The following SSBP2 variants were observed in gnomAD, a reference collection of about 807,000 sequenced individuals.
The protein encoded by SSBP2 is single-stranded DNA-binding protein 2.
Under a neutral mutation model 61.8 loss-of-function variants are expected in SSBP2, and 17 were observed. The ratio of observed to expected loss-of-function variants is 0.28; its 90% confidence interval spans 0.19 to 0.41. The LOEUF (loss-of-function observed/expected upper bound fraction) is 0.41, where lower values mean the gene tolerates loss of function less well. SSBP2 is among the 10% of genes least tolerant of loss of function. The pLI is 1.00. For missense variants in SSBP2, 310 were observed against 458.7 expected, an observed-to-expected ratio of 0.68 and a Z score of 2.96; for synonymous variants, 139 against 141.3, an observed-to-expected ratio of 0.98 and a Z score of 0.12.
chr5:81,574,032 T>C, intron 4 of SSBP2, among the ~76,000 whole-genome samples: 1 of 151,880 alleles, frequency 6.6e-6, no homozygotes, highest in Admixed American at 6.6e-5. Context: ...TCCCAGCTAC[T>C]CGGGAGGCTG....
intron 8 of SSBP2, among the ~76,000 whole-genome samples, chr5:81,470,165 C>A (rs903175023): frequency 1.3e-5 from 2 of 151,860 alleles, no homozygotes. Flanking sequence ...TATATAACTT[C>A]TTTATCCTTC....
chr5:81,628,442 G>A (rs901816761), intron 3 of SSBP2, among the ~76,000 whole-genome samples: 13 of 152,102 alleles, frequency 8.5e-5, no homozygotes, highest in African/African-American at 3.1e-4. Flanking sequence ...AGATATGAGA[G>A]TTATAAAAGG....
chr5:81,555,176 CTTTA>C (rs1452858328), intron 4 of SSBP2, among the ~76,000 whole-genome samples: 7 of 151,938 alleles, frequency 4.6e-5, no homozygotes, highest in African/African-American at 1.4e-4. Context: ...AAAGTACAGA[CTTTA>C]TTTATAGCAA....
intron 1 of SSBP2, among the ~76,000 whole-genome samples, chr5:81,743,797 T>A (rs1440717181): frequency 6.6e-6 from 1 of 152,122 alleles, no homozygotes; most frequent in African/African-American, 2.4e-5. Context: ...CCTTTACACT[T>A]GAGTGTGTAA....
intron 8 of SSBP2, among the ~76,000 whole-genome samples, chr5:81,471,009 A>T (rs1037249328): frequency 1.3e-5 from 2 of 151,888 alleles, no homozygotes; most frequent in Non-Finnish European, 3.0e-5. Flanking sequence ...TCATTTAAAC[A>T]TATGATATGT....
chr5:81,474,350 A>G (rs1169169157), intron 7 of SSBP2, 146 bp downstream of exon 7: 1 of 639,104 alleles, frequency 1.6e-6, no homozygotes, highest in Non-Finnish European at 2.7e-6. Flanking sequence ...AGCTGGAAAT[A>G]TAAATCATTT....
chr5:81,465,999 A>T (rs1764867399), intron 9 of SSBP2, among the ~76,000 whole-genome samples: 1 of 152,018 alleles, frequency 6.6e-6, no homozygotes, highest in Non-Finnish European at 1.5e-5. Flanking sequence ...CTTAAAAAAA[A>T]TCCTGCATAG....
At chr5:81,569,766 A>G (rs1773700871) in intron 4 of SSBP2, among the ~76,000 whole-genome samples, 1 of 152,216 alleles carries the variant, frequency 6.6e-6, no homozygotes, top group African/African-American at 2.4e-5. Context: ...TCTCACAGGT[A>G]GCTGGAATAA....
At chr5:81,663,295 CGTAT>C (rs897198946) in intron 1 of SSBP2, among the ~76,000 whole-genome samples, 2 of 151,890 alleles carry the variant, frequency 1.3e-5, no homozygotes, top group African/African-American at 4.8e-5. Flanking sequence ...TATACATGTC[CGTAT>C]GTATGTATGT....
At chr5:81,550,334 C>G (rs905454727) in intron 4 of SSBP2, among the ~76,000 whole-genome samples, 9 of 152,298 alleles carry the variant, frequency 5.9e-5, no homozygotes, top group African/African-American at 2.2e-4. Flanking sequence ...TTGAGGGCCA[C>G]AATCCTATCT....
intron 10 of SSBP2, among the ~76,000 whole-genome samples, chr5:81,460,762 T>C (rs953442259): frequency 1.3e-5 from 2 of 152,200 alleles, no homozygotes; most frequent in Admixed American, 6.5e-5. Context: ...TACAGATCAC[T>C]ATTTATAGGC....
chr5:81,750,176 G>A (rs1054876524), intron 1 of SSBP2, among the ~76,000 whole-genome samples: 3 of 151,766 alleles, frequency 2.0e-5, no homozygotes, highest in African/African-American at 7.2e-5. Flanking sequence ...ACACACTTTA[G>A]CTCCCCGGGA....
chr5:81,664,567 A>C (rs1750956055), intron 1 of SSBP2, among the ~76,000 whole-genome samples: 1 of 152,146 alleles, frequency 6.6e-6, no homozygotes, highest in Admixed American at 6.5e-5. Flanking sequence ...AAGGCATTCA[A>C]GGAAAAAAGT....
intron 4 of SSBP2, among the ~76,000 whole-genome samples, chr5:81,591,752 A>G (rs1775520775): frequency 6.6e-6 from 1 of 152,214 alleles, no homozygotes; most frequent in Admixed American, 6.5e-5. Context: ...GAGGAAAAAA[A>G]GTGGGAATTA....
rs1235552376 is a variant in SSBP2 at position 81,420,519 on chromosome 5, C to T, written c.1071G>A (p.Met357Ile). 12 of 1,613,812 alleles carry T rather than the reference C, an allele frequency of 7.4e-6. No homozygotes were observed. Among genetic ancestry groups the T allele is most frequent in the Non-Finnish European group, 9.3e-6 (11 of 1,179,764 alleles). ...TGGTAATGGATCACACGCTCATTGT[C>T]ATGCTAGGGGAGTACTAGAAGGAAA... The change falls in exon 17 of 17, where the codon ATG becomes ATA. Residue 357 changes from methionine to isoleucine, a missense_variant. Around this residue, in one of 4 missense-constraint regions of SSBP2, gnomAD observed 44 missense variants for 86.2 expected, o/e 0.51. Transcript: ENST00000320672.
At chr5:81,574,339 T>C (rs553781589) in intron 4 of SSBP2, among the ~76,000 whole-genome samples, 2 of 151,248 alleles carry the variant, frequency 1.3e-5, no homozygotes, top group East Asian at 3.9e-4. Flanking sequence ...AAAAAAATAA[T>C]GGGCTAAGAA....
intron 2 of SSBP2, among the ~76,000 whole-genome samples, chr5:81,643,813 G>T (rs1749025234): frequency 6.6e-6 from 1 of 151,826 alleles, no homozygotes; most frequent in Admixed American, 6.6e-5. Flanking sequence ...ATGTTGGCCA[G>T]GCTGGTCTCA....
chr5:81,611,392 C>T (rs952640063), intron 4 of SSBP2, among the ~76,000 whole-genome samples: 28 of 152,160 alleles, frequency 1.8e-4, no homozygotes, highest in African/African-American at 6.5e-4. Flanking sequence ...AAAAAGTAAA[C>T]AAGTGGCTAT....
intron 2 of SSBP2, among the ~76,000 whole-genome samples, chr5:81,647,430 A>G (rs906832498): frequency 7.2e-5 from 11 of 152,140 alleles, no homozygotes; most frequent in African/African-American, 1.7e-4. Flanking sequence ...GTCTATCTAC[A>G]TAAGTCCAAA....
Sources: gnomAD v4.1 joint callset for allele counts (sites outside exome capture counted in the v4.1 genomes callset) on GRCh38, gnomAD v4.1.1 for gene constraint, gnomAD v4.1.1 regional missense constraint, MANE v1.5 for transcripts, NCBI Gene and HGNC (gene_info 2026-07-23, HGNC 2026-07-21) for gene names.